Variants in CSMD1 observed in about 807,000 individuals in gnomAD.
CSMD1 encodes CUB and Sushi multiple domains 1.
In CSMD1, 213 loss-of-function variants were observed where a neutral mutation model predicts 417.5. That is an observed-to-expected ratio of 0.51 (90% CI 0.46 to 0.57). The LOEUF is 0.57. Among genes scored for constraint, CSMD1 ranks in the 20% least tolerant of loss-of-function variants. The probability of loss-of-function intolerance (pLI) is 0.00; values close to 1 mark genes in which losing one functional copy is unlikely to be tolerated. For synonymous variants in CSMD1, 2,862 were observed against 1,736.8 expected, an observed-to-expected ratio of 1.65 and a Z score of -16.11; for missense variants, 6,923 against 4,529.7, an observed-to-expected ratio of 1.53 and a Z score of -15.17.
At chr8:4,507,520 T>A (rs866457836) in intron 2 of CSMD1, among the ~76,000 whole-genome samples, 5 of 152,170 alleles carry the variant, frequency 3.3e-5, no homozygotes, top group Non-Finnish European at 5.9e-5. Flanking sequence ...TTATGATTTT[T>A]AGGGGAGAAA....
intron 7 of CSMD1, among the ~76,000 whole-genome samples, chr8:3,646,412 C>T (rs1797573532): frequency 6.6e-6 from 1 of 152,082 alleles, no homozygotes; most frequent in South Asian, 2.1e-4. Flanking sequence ...ACCATACAAT[C>T]TACTTTAACT....
chr8:4,318,799 T>C (rs1291975584), intron 3 of CSMD1, among the ~76,000 whole-genome samples: 1 of 151,742 alleles, frequency 6.6e-6, no homozygotes, highest in Admixed American at 6.6e-5. Flanking sequence ...ACAAGCAAGT[T>C]AATTTTAAAC....
rs34021854 is a variant in CSMD1, at chr8:4,201,887, T to TTG, written c.416-169789_416-169788insCA. Among the ~76,000 whole-genome samples the TTG allele has an allele frequency of 4.9e-4, 63 of 127,824 alleles. 1 individual carries two copies. Among genetic ancestry groups the TTG allele is most frequent in the African/African-American group, 2.2e-3 (62 of 27,790 alleles). 83.9% of individuals were successfully genotyped at this position (127,824 alleles called of 152,430 possible). ...TGATGACCATTATACATGGAAATTT[T>TTG]GGGGGGGGGGGGCGCTGCATTCATT... On this transcript the variant is annotated intron_variant, in intron 3 of 69. Coordinates refer to ENST00000635120, the MANE Select transcript of CSMD1 (RefSeq NM_033225.6).
At chr8:4,127,228 G>C (rs1238314690) in intron 3 of CSMD1, among the ~76,000 whole-genome samples, 1 of 151,882 alleles carries the variant, frequency 6.6e-6, no homozygotes, top group African/African-American at 2.4e-5. Flanking sequence ...TCAAACCCAT[G>C]GCCTTACGGA....
chr8:3,850,783 A>G (rs1233196536), intron 5 of CSMD1, among the ~76,000 whole-genome samples: 5 of 152,184 alleles, frequency 3.3e-5, no homozygotes, highest in Non-Finnish European at 5.9e-5. Flanking sequence ...GTGCCTTAGT[A>G]GTGTGTGAAA....
At chr8:4,721,073 T>C (rs1173167815) in intron 1 of CSMD1, among the ~76,000 whole-genome samples, 1 of 152,150 alleles carries the variant, frequency 6.6e-6, no homozygotes, top group Non-Finnish European at 1.5e-5. Flanking sequence ...CTCTCAAGAG[T>C]AACATGAGGG....
Position 4,701,698 on chromosome 8 carries a change from T to C in CSMD1, c.86-64140A>G, listed in dbSNP as rs934246196. Among the ~76,000 whole-genome samples the C allele has an allele frequency of 2.0e-5, 3 of 152,064 alleles. No individual in the cohort carries two copies. In the South Asian group the frequency reaches 6.2e-4, roughly 32 times the overall value. On this transcript the variant is annotated intron_variant, in intron 1 of 69. Coordinates refer to ENST00000635120, the MANE Select transcript of CSMD1 (RefSeq NM_033225.6). ...AAACCTTTCTCCTTAAAAAAAAAAGTAGAGTGGTGACAAATCATAACATTC... is the reference window on the plus strand; with the variant it reads ...AAACCTTTCTCCTTAAAAAAAAAAGCAGAGTGGTGACAAATCATAACATTC...
chr8:4,200,315 C>T (rs1585010269), intron 3 of CSMD1, among the ~76,000 whole-genome samples: 1 of 151,984 alleles, frequency 6.6e-6, no homozygotes, highest in East Asian at 1.9e-4. Flanking sequence ...TAGAGTGTCA[C>T]TTAGATATGG....
chr8:3,694,478 A>G (rs984622970), intron 7 of CSMD1, among the ~76,000 whole-genome samples: 1 of 152,130 alleles, frequency 6.6e-6, no homozygotes, highest in African/African-American at 2.4e-5. Flanking sequence ...CCAGGCCGAA[A>G]ACACCATCTG....
chr8:4,453,925 C>T (rs1799314532), intron 2 of CSMD1, among the ~76,000 whole-genome samples: 1 of 146,470 alleles, frequency 6.8e-6, no homozygotes, highest in African/African-American at 2.5e-5. Context: ...AGGTTCACAG[C>T]ATTCTCCTGC....
chr8:4,969,902 TA>T (rs1810129921), intron 1 of CSMD1, among the ~76,000 whole-genome samples: 1 of 152,134 alleles, frequency 6.6e-6, no homozygotes, highest in South Asian at 2.1e-4. Flanking sequence ...AAAGGTAGTT[TA>T]GAGTTTGAGT....
chr8:4,259,268 C>G (rs374356362), intron 3 of CSMD1, among the ~76,000 whole-genome samples: 1 of 152,154 alleles, frequency 6.6e-6, no homozygotes, highest in Non-Finnish European at 1.5e-5. Flanking sequence ...CAAGCAACCC[C>G]CCTCCCTGGC....
At chr8:4,268,413 G>T (rs1804357996) in intron 3 of CSMD1, among the ~76,000 whole-genome samples, 1 of 152,154 alleles carries the variant, frequency 6.6e-6, no homozygotes, top group Non-Finnish European at 1.5e-5. Flanking sequence ...TATTGTAGCA[G>T]TGACCAATTG....
chr8:3,951,735 G>A lies in CSMD1; in HGVS notation c.818+46168C>T, dbSNP rs1202693330. ...TTCATGGGTATTAACAACATGGGGG[G>A]CATTAAAACGTAATAGATGAGTAGA... On this transcript the variant is annotated intron_variant, in intron 5 of 69. Transcript: ENST00000635120. 6.6e-5 allele frequency among the ~76,000 whole-genome samples: 10 copies of A among 152,014 alleles called. No individual in the cohort carries two copies. The East Asian group carries it at 1.3e-3, about 21-fold the overall frequency.
At chr8:4,213,705 G>A (rs1191951931) in intron 3 of CSMD1, among the ~76,000 whole-genome samples, 2 of 152,206 alleles carry the variant, frequency 1.3e-5, no homozygotes, top group Admixed American at 1.3e-4. Context: ...GGAAGCCGTG[G>A]GCTCCTGTGT....
chr8:4,259,414 C>G (rs1471328195), intron 3 of CSMD1, among the ~76,000 whole-genome samples: 2 of 152,138 alleles, frequency 1.3e-5, no homozygotes, highest in Non-Finnish European at 2.9e-5. Context: ...TCATTCATTT[C>G]ATAATTATAC....
chr8:3,408,981 T>C (rs1198985204), intron 13 of CSMD1, among the ~76,000 whole-genome samples: 8 of 152,158 alleles, frequency 5.3e-5, no homozygotes, highest in Non-Finnish European at 1.0e-4. Context: ...ATAGTATTCT[T>C]AAGAGGAAGT....
intron 3 of CSMD1, among the ~76,000 whole-genome samples, chr8:4,204,042 G>A (rs943324484): frequency 2.6e-5 from 4 of 152,096 alleles, no homozygotes; most frequent in South Asian, 4.1e-4. Context: ...CAGAAGTTGC[G>A]GTGAGCTGAG....
rs1342840413 is a variant in CSMD1, at chr8:3,252,391, C to A, written c.4154-22160G>T. On this transcript the variant is annotated intron_variant, in intron 26 of 69. Coordinates refer to ENST00000635120, the MANE Select transcript of CSMD1 (RefSeq NM_033225.6). ...ATTGATTTGCATATGTTGAACCAGC[C>A]TTGCATCCCAGGGATGAAGCTCACT... Among the ~76,000 whole-genome samples, 4 of 152,306 alleles carry A rather than the reference C, an allele frequency of 2.6e-5. 1 individual carries two copies. The highest frequency in any genetic ancestry group is 2.6e-4 in the Admixed American group (4 of 15,296).
Sources: gnomAD v4.1 joint callset for allele counts (sites outside exome capture counted in the v4.1 genomes callset) on GRCh38, gnomAD v4.1.1 for gene constraint, MANE v1.5 for transcripts, NCBI Gene and HGNC (gene_info 2026-07-23, HGNC 2026-07-21) for gene names.